VPS13D: variants seen among roughly 807,000 people sequenced by gnomAD.
VPS13D encodes the protein vacuolar protein sorting 13 homolog D.
Under a neutral mutation model 461.9 loss-of-function variants are expected in VPS13D, and 187 were observed. That is an observed-to-expected ratio of 0.40 (90% confidence interval 0.36 to 0.46). The LOEUF (loss-of-function observed/expected upper bound fraction) is 0.46, where lower values mean the gene tolerates loss of function less well. VPS13D is among the 20% of genes least tolerant of loss of function. The probability of loss-of-function intolerance (pLI) is 0.60; values close to 1 mark genes in which losing one functional copy is unlikely to be tolerated. For synonymous variants in VPS13D, 1,951 were observed against 1,986.3 expected (o/e 0.98, Z 0.47); for missense variants, 4,711 against 5,364.9 (o/e 0.88, Z 3.81).
intron 20 of VPS13D, among the ~76,000 whole-genome samples, chr1:12,282,413 A>C (rs1641812596): frequency 6.6e-6 from 1 of 152,200 alleles, no homozygotes; most frequent in African/African-American, 2.4e-5. Flanking sequence ...CAGTTTCTGC[A>C]TTCATTTTTG....
chr1:12,311,332 A>G (rs2101497294), intron 27 of VPS13D, 122 bp from the exon 28 acceptor site: 1 of 837,180 alleles, frequency 1.2e-6, no homozygotes, highest in Non-Finnish European at 1.7e-6. Context: ...TGTCATTGGA[A>G]GTAGGAATTA....
intron 43 of VPS13D, 71 bp from the exon 44 acceptor site, chr1:12,346,534 G>T: frequency 6.6e-7 from 1 of 1,512,128 alleles, no homozygotes. Context: ...AGAAAATTAT[G>T]TTGTCATTGA....
At chr1:12,345,988 C>T (rs28619111) in intron 43 of VPS13D, among the ~76,000 whole-genome samples, 40,074 of 152,050 alleles carry the variant, frequency 0.26, 7,822 homozygotes, top group African/African-American at 0.55. Context: ...CCTGTAGTCC[C>T]AGTGGTTGGA....
In VPS13D at chr1:12,273,056, A is replaced by G; in HGVS notation, c.2157A>G (p.Ile719Met). The change falls in exon 18 of 70, where the codon ATA becomes ATG. Residue 719 changes from isoleucine (I) to methionine (M), a missense_variant. By Grantham distance (10) the Ile-to-Met change is conservative (BLOSUM62 1). Coordinates refer to ENST00000620676, the MANE Select transcript of VPS13D (RefSeq NM_015378.4). Reference sequence around the variant, plus strand: ...TGGATATTTCTGCCCCTCAGGTGATATTTCCTGATGATTTCAAATTCAAGA... The same window carrying G: ...TGGATATTTCTGCCCCTCAGGTGATGTTTCCTGATGATTTCAAATTCAAGA... The part of the protein sequence containing the change: ...VRLDISAPQV[I>M]FPDDFKFKNP... 6.2e-7 allele frequency: 1 copy of G among 1,614,094 alleles called. No individual in the cohort carries two copies. The highest frequency in any genetic ancestry group is 1.1e-5 in the South Asian group (1 of 91,072).
chr1:12,511,016 TAAG>T lies in VPS13D; in HGVS notation c.*1993_*1995del, dbSNP rs2100576839. The T allele has an allele frequency of 6.6e-6, 1 of 152,332 alleles. No homozygotes were observed. The highest frequency in any genetic ancestry group is 2.4e-5 in the African/African-American group (1 of 41,556). 9.4% of individuals were successfully genotyped at this position (152,332 alleles called of 1,614,324 possible). Reference sequence around the variant, plus strand: ...GTCACTTGAAATCTCTTGATGAGATTAAGGAGTTTAGTGTTACTAAGAAAATCT... The same window carrying T: ...GTCACTTGAAATCTCTTGATGAGATTGAGTTTAGTGTTACTAAGAAAATCT... On this transcript the variant is annotated 3_prime_UTR_variant, in exon 70 of 70. Coordinates refer to ENST00000620676, the MANE Select transcript of VPS13D (RefSeq NM_015378.4). The surrounding 1 kb of genome is among the most constrained non-coding windows in gnomAD (Gnocchi z 4.5).
rs764203621 is a variant in VPS13D, at chr1:12,291,024, A to G, written c.5752A>G (p.Ile1918Val). 3 of 1,613,748 alleles carry G rather than the reference A, an allele frequency of 1.9e-6. No individual in the cohort carries two copies. Among genetic ancestry groups the G allele is most frequent in the African/African-American group, 1.3e-5 (1 of 74,910 alleles). The change falls in exon 23 of 70, where the codon ATT becomes GTT. Residue 1918 changes from isoleucine (I) to valine (V), a missense_variant. Ile to Val is a conservative substitution (Grantham distance 29). Coordinates refer to ENST00000620676, the MANE Select transcript of VPS13D (RefSeq NM_015378.4). ...IEGDLALQGS[I>V]GSLSLSDLTC... ...GGGAGACCTGGCCTTACAGGGCAGC[A>G]TTGGGAGTCTGTCTCTAAGTGACCT... is the stretch of plus-strand genomic sequence containing the variant.
Position 12,507,135 on chromosome 1 carries a change from A to C in VPS13D, c.13035+42A>C. 1 of 1,612,008 alleles carries C rather than the reference A, an allele frequency of 6.2e-7. No homozygotes were observed. The highest frequency in any genetic ancestry group is 8.5e-7 in the Non-Finnish European group (1 of 1,178,782). ...TCTCAGGCTCCTGAGGGGCGGGGCC[A>C]GGGCCTCGATGCCTCTGCCCTGCTT... is the stretch of plus-strand genomic sequence containing the variant. On this transcript the variant is annotated intron_variant, in intron 69 of 69. Transcript: ENST00000620676. The surrounding 1 kb of genome is among the most constrained non-coding windows in gnomAD (Gnocchi z 5.3).
At chr1:12,385,478 T>A in intron 59 of VPS13D, 105 bp downstream of exon 59, 1 of 869,460 alleles carries the variant, frequency 1.2e-6, no homozygotes, top group Non-Finnish European at 1.8e-6. Context: ...TGTATGATTC[T>A]AAATATGAGT....
At chr1:12,346,411 C>CTG (rs1466836696) in intron 43 of VPS13D, among the ~76,000 whole-genome samples, 194 bp from the exon 44 acceptor site, 1 of 152,108 alleles carries the variant, frequency 6.6e-6, no homozygotes, top group Non-Finnish European at 1.5e-5. Flanking sequence ...ATTTGGCATA[C>CTG]GTTGAATGGT....
chr1:12,348,683 T>A, intron 44 of VPS13D, 140 bp from the exon 45 acceptor site: 2 of 1,093,582 alleles, frequency 1.8e-6, no homozygotes, highest in Non-Finnish European at 2.6e-6. Context: ...GTTGAATGGC[T>A]TTAGGGTTTT....
At chr1:12,411,715 G>A (rs748837509) in intron 63 of VPS13D, among the ~76,000 whole-genome samples, 25 of 152,128 alleles carry the variant, frequency 1.6e-4, no homozygotes, top group Non-Finnish European at 1.3e-4. Context: ...TCTTCTGCTG[G>A]TCTCACCAGT....
chr1:12,415,157 C>T lies in VPS13D; in HGVS notation c.12101C>T (p.Thr4034Ile). ...GCTGTGATTAATCTAGATCCATTCA[C>T]TCGGGTACATCCCTATGAGACCAAG... Reference protein sequence around the residue: ...EDAVINLDPFTRVHPYETKEF... With the variant: ...EDAVINLDPFIRVHPYETKEF... The change falls in exon 64 of 70, where the codon ACT (threonine) becomes ATT (isoleucine). Residue 4034 changes from threonine to isoleucine, a missense_variant. This residue lies in a region of VPS13D where 4,411 missense variants were observed against 4,937.8 expected (regional missense o/e 0.89). Transcript: ENST00000620676. 6.2e-7 allele frequency: 1 copy of T among 1,614,108 alleles called. No homozygotes were observed. Among genetic ancestry groups the T allele is most frequent in the Non-Finnish European group, 8.5e-7 (1 of 1,179,992 alleles).
At chr1:12,313,945 A>G (rs1449379246) in intron 29 of VPS13D, among the ~76,000 whole-genome samples, 170 bp from the exon 30 acceptor site, 1 of 152,212 alleles carries the variant, frequency 6.6e-6, no homozygotes, top group Non-Finnish European at 1.5e-5. Flanking sequence ...CACTAACTCC[A>G]TTTTGAGGAG....
intron 25 of VPS13D, among the ~76,000 whole-genome samples, chr1:12,301,009 A>T (rs1642409210): frequency 6.6e-6 from 1 of 152,336 alleles, no homozygotes; most frequent in African/African-American, 2.4e-5. Flanking sequence ...CTAATAACGT[A>T]GGGAGAGAGA....
chr1:12,420,020 C>A (rs767634469), intron 65 of VPS13D, among the ~76,000 whole-genome samples: 1 of 152,118 alleles, frequency 6.6e-6, no homozygotes, highest in Non-Finnish European at 1.5e-5. Context: ...ATATGCAGCC[C>A]GTAGTTGACC....
At chr1:12,340,434 C>T (rs1469621372) in intron 40 of VPS13D, among the ~76,000 whole-genome samples, 1 of 152,102 alleles carries the variant, frequency 6.6e-6, no homozygotes, top group Non-Finnish European at 1.5e-5. Context: ...GCATTGTTTA[C>T]AGTACTAACC....
rs1225094947 is a variant in VPS13D, at chr1:12,283,016, G to C, written c.4914G>C (p.Gly1638=). The change falls in exon 21 of 70, where the codon GGG becomes GGC. Residue 1638 remains glycine, a synonymous_variant. Transcript: ENST00000620676. ...AGCTAAGTGGAGATCTGACTTTGGG[G>C]GCCCAAGGTCTTGTGAGCTTAAAGT... ...QVQLSGDLTL[G]AQGLVSLKFQ... 6.2e-7 allele frequency: 1 copy of C among 1,613,834 alleles called. No individual in the cohort carries two copies. The highest frequency in any genetic ancestry group is 1.7e-5 in the Admixed American group (1 of 59,986).
At chr1:12,231,451 A>G (rs1392711902) in intron 1 of VPS13D, among the ~76,000 whole-genome samples, 3 of 152,212 alleles carry the variant, frequency 2.0e-5, no homozygotes, top group Admixed American at 6.5e-5. Context: ...TGTGCTTTGC[A>G]TTCTTTTCCG....
chr1:12,492,830 A>G (rs902974046), intron 67 of VPS13D, among the ~76,000 whole-genome samples: 3 of 152,240 alleles, frequency 2.0e-5, no homozygotes, highest in African/African-American at 7.2e-5. Flanking sequence ...GCTACACACA[A>G]AAGAATACCT....
Sources: gnomAD v4.1 joint callset for allele counts (sites outside exome capture counted in the v4.1 genomes callset) on GRCh38, gnomAD v4.1.1 for gene constraint, gnomAD v4.1.1 regional missense constraint, Gnocchi (gnomAD v3.1) non-coding constraint, MANE v1.5 for transcripts, NCBI Gene and HGNC (gene_info 2026-07-23, HGNC 2026-07-21) for gene names.